Variants in ACBD6 observed in about 807,000 individuals in gnomAD.
ACBD6 encodes acyl-CoA binding domain containing 6, also known as acyl-CoA-binding domain-containing protein 6.
Under a neutral mutation model 37.2 loss-of-function variants are expected in ACBD6, and 28 were observed. The ratio of observed to expected loss-of-function variants is 0.75; its 90% CI spans 0.56 to 1.03. The LOEUF (loss-of-function observed/expected upper bound fraction) is 1.03. Among genes scored for constraint, ACBD6 ranks in the 50% least tolerant of loss-of-function variants. The probability of loss-of-function intolerance (pLI) is 0.00; values close to 1 mark genes in which losing one functional copy is unlikely to be tolerated. For synonymous variants in ACBD6, 113 were observed against 126.8 expected (o/e 0.89, Z 0.73); for missense variants, 340 against 337.4 (o/e 1.01, Z -0.06).
intron 5 of ACBD6, among the ~76,000 whole-genome samples, chr1:180,407,550 A>C (rs1030101592): frequency 1.3e-5 from 2 of 152,190 alleles, no homozygotes; most frequent in African/African-American, 4.8e-5. Flanking sequence ...TTATAAAAGA[A>C]ATTGCTGCAA....
chr1:180,403,290 T>A (rs1384050239), intron 5 of ACBD6, among the ~76,000 whole-genome samples: 1 of 152,188 alleles, frequency 6.6e-6, no homozygotes, highest in African/African-American at 2.4e-5. Context: ...TATGTATTTG[T>A]CAAAGTTCAT....
Position 180,372,467 on chromosome 1 carries a change from T to C in ACBD6, c.663+25049A>G, listed in dbSNP as rs12026847. On this transcript the variant is annotated intron_variant, in intron 6 of 7. Transcript: ENST00000367595. Reference sequence around the variant, plus strand: ...TAATGCTAATTCCATGAAATTAATGTTACATGGTCCTCTTAACTTTTATGG... The same window carrying C: ...TAATGCTAATTCCATGAAATTAATGCTACATGGTCCTCTTAACTTTTATGG... Among the ~76,000 whole-genome samples, 105 of 152,316 alleles carry C rather than the reference T, an allele frequency of 6.9e-4. 1 individual carries two copies. The East Asian group carries it at 0.013, about 19-fold the overall frequency.
intron 5 of ACBD6, among the ~76,000 whole-genome samples, chr1:180,399,083 C>T (rs1441814508): frequency 6.6e-6 from 1 of 152,074 alleles, no homozygotes; most frequent in African/African-American, 2.4e-5. Context: ...TCTTCTTTTG[C>T]TTTCATTTGC....
chr1:180,273,959 G>T, exon 11 of ACBD6: 1 of 580,824 alleles, frequency 1.7e-6, no homozygotes, highest in South Asian at 2.0e-5. Flanking sequence ...CATCCTTCTG[G>T]GACCTGGGAA....
At chr1:180,299,878 G>A (rs572338418) in intron 7 of ACBD6, among the ~76,000 whole-genome samples, 1 of 152,134 alleles carries the variant, frequency 6.6e-6, no homozygotes, top group Non-Finnish European at 1.5e-5. Flanking sequence ...GAAGTAACAG[G>A]AGGACCAATA....
At chr1:180,438,442 G>A (rs13374665) in intron 3 of ACBD6, 24,137 of 152,634 alleles carry the variant, frequency 0.16, 1,971 homozygotes, top group Middle Eastern at 0.23. Flanking sequence ...TTCTATTGGC[G>A]CCATTCATTG....
At chr1:180,399,643 A>G (rs1647264882) in intron 5 of ACBD6, among the ~76,000 whole-genome samples, 1 of 152,206 alleles carries the variant, frequency 6.6e-6, no homozygotes, top group African/African-American at 2.4e-5. Flanking sequence ...GCAGTTTCCT[A>G]TGTTAAAATT....
At chr1:180,411,389 C>T (rs947950263) in intron 5 of ACBD6, among the ~76,000 whole-genome samples, 2 of 152,096 alleles carry the variant, frequency 1.3e-5, no homozygotes, top group South Asian at 2.1e-4. Context: ...TAATCTTTTA[C>T]GAAGGAAGAC....
chr1:180,288,331 C>T lies in ACBD6; in HGVS notation c.*32G>A. 1.2e-6 allele frequency: 2 copies of T among 1,613,206 alleles called. No individual in the cohort carries two copies. The highest frequency in any genetic ancestry group is 1.7e-6 in the Non-Finnish European group (2 of 1,179,810). On this transcript the variant is annotated 3_prime_UTR_variant, in exon 8 of 8. Transcript: ENST00000367595. ...TTTCTTTCATAATGGAAGCCTTATG[C>T]TATTACAGACTGCAGTTTTCCAGTC...
chr1:180,395,809 C>T (rs1282652789), intron 6 of ACBD6, among the ~76,000 whole-genome samples: 1 of 152,114 alleles, frequency 6.6e-6, no homozygotes, highest in African/African-American at 2.4e-5. Context: ...AGGGTATATA[C>T]TCAAAAGAAG....
At position 180,443,616 on chromosome 1, in the gene ACBD6, G is replaced by T. The variant is rs558206691; in HGVS notation, c.385-13354C>A. ...CTGCAAGGCACAGCTTGTTTTTTTT[G>T]TTTTGTTTTGTTTTTAGATGAAGTC... On this transcript the variant is annotated intron_variant, in intron 3 of 7. Transcript: ENST00000367595. 4.0e-5 allele frequency among the ~76,000 whole-genome samples: 6 copies of T among 151,686 alleles called. No individual in the cohort carries two copies. In the South Asian group the frequency reaches 6.3e-4, roughly 16 times the overall value.
intron 3 of ACBD6, among the ~76,000 whole-genome samples, chr1:180,430,817 G>A (rs1648783560): frequency 6.6e-6 from 1 of 151,860 alleles, no homozygotes; most frequent in Non-Finnish European, 1.5e-5. Context: ...CCAAACTCAA[G>A]GATTCAACAC....
intron 6 of ACBD6, among the ~76,000 whole-genome samples, chr1:180,330,712 G>C (rs1396661432): frequency 6.6e-6 from 1 of 152,182 alleles, no homozygotes; most frequent in Non-Finnish European, 1.5e-5. Context: ...ATGTTCTTAA[G>C]AGCAAGTTTG....
intron 3 of ACBD6, among the ~76,000 whole-genome samples, chr1:180,473,490 G>A (rs1650652746): frequency 6.6e-6 from 1 of 151,414 alleles, no homozygotes; most frequent in Non-Finnish European, 1.5e-5. Flanking sequence ...AAATTTGGCA[G>A]GAGTGGAGGG....
At chr1:180,493,131 C>G (rs1651571271) in intron 2 of ACBD6, among the ~76,000 whole-genome samples, 1 of 151,380 alleles carries the variant, frequency 6.6e-6, no homozygotes, top group Non-Finnish European at 1.5e-5. Flanking sequence ...CGCCTGTAGT[C>G]CAGCTACTCT....
intron 6 of ACBD6, among the ~76,000 whole-genome samples, chr1:180,344,225 C>T (rs561893322): frequency 6.6e-6 from 1 of 152,252 alleles, no homozygotes; most frequent in South Asian, 2.1e-4. Context: ...AATGGGGTAG[C>T]AACAGTAGCA....
At chr1:180,476,373 A>G (rs1650785272) in intron 3 of ACBD6, among the ~76,000 whole-genome samples, 1 of 152,198 alleles carries the variant, frequency 6.6e-6, no homozygotes, top group Non-Finnish European at 1.5e-5. Flanking sequence ...ATAATGGAAC[A>G]CTAGGCATAA....
chr1:180,279,905 T>A (rs2149272923), intron 9 of ACBD6, among the ~76,000 whole-genome samples: 1 of 152,300 alleles, frequency 6.6e-6, no homozygotes, highest in East Asian at 1.9e-4. Context: ...CTACAGCGTG[T>A]TTCTTTTCCC....
At chr1:180,495,565 G>T in intron 1 of ACBD6, 40 bp from the exon 2 acceptor site, 3 of 1,477,986 alleles carry the variant, frequency 2.0e-6, no homozygotes, top group Non-Finnish European at 2.8e-6. Context: ...ATTTTTCAAA[G>T]AAATGTCTGG....
Sources: allele counts gnomAD v4.1 joint callset (sites outside exome capture counted in the v4.1 genomes callset), GRCh38; gene constraint gnomAD v4.1.1; transcripts MANE v1.5; gene names NCBI Gene and HGNC (gene_info 2026-07-23, HGNC 2026-07-21).